The following PCDHA8 variants were observed in gnomAD, a reference collection of about 807,000 sequenced individuals.
PCDHA8 encodes protocadherin alpha 8, also known as protocadherin alpha-8.
PCDHA8 carries 53 observed loss-of-function variants against 61.8 expected under a neutral mutation model. The observed-to-expected ratio is 0.86, with a 90% CI of 0.69 to 1.08. PCDHA8 has a LOEUF of 1.08. Ranked by LOEUF, PCDHA8 falls within the 50% of genes least tolerant of loss-of-function variation. The pLI, the probability that PCDHA8 is intolerant of heterozygous loss-of-function variation, is 0.00. For synonymous variants in PCDHA8, 618 were observed against 556.6 expected (o/e 1.11, Z -1.55); for missense variants, 1,293 against 1,245.0 (o/e 1.04, Z -0.58).
chr5:140,996,198 G>T (rs2097716643), intron 3 of PCDHA8, among the ~76,000 whole-genome samples: 1 of 152,168 alleles, frequency 6.6e-6, no homozygotes, highest in Non-Finnish European at 1.5e-5. Context: ...TACCCTCAAT[G>T]CAAGGATATC....
chr5:140,863,469 G>A (rs2153224585), intron 1 of PCDHA8: 1 of 498,172 alleles, frequency 2.0e-6, no homozygotes, highest in Non-Finnish European at 4.0e-6. Context: ...TTACTCTGGA[G>A]AGTCGCCTCC....
intron 3 of PCDHA8, among the ~76,000 whole-genome samples, chr5:140,989,698 A>G (rs145222021): frequency 6.6e-6 from 1 of 152,344 alleles, no homozygotes; most frequent in African/African-American, 2.4e-5. Flanking sequence ...TGAAAATTTT[A>G]TCTTCAGAGG....
At chr5:140,858,433 G>A in intron 1 of PCDHA8, 3 of 1,545,478 alleles carry the variant, frequency 1.9e-6, no homozygotes, top group Non-Finnish European at 2.6e-6. Flanking sequence ...ACCACTCTAG[G>A]AAGGTGGGTT....
chr5:140,902,956 G>A (rs1356131798), intron 1 of PCDHA8, among the ~76,000 whole-genome samples: 3 of 152,242 alleles, frequency 2.0e-5, no homozygotes, highest in Non-Finnish European at 4.4e-5. Context: ...TTATCCACTT[G>A]TTGGCTGATG....
intron 1 of PCDHA8, chr5:140,869,467 G>A: frequency 6.2e-7 from 1 of 1,614,204 alleles, no homozygotes; most frequent in South Asian, 1.1e-5. Context: ...TGTGAACGTG[G>A]AGGTGAAGGA....
intron 1 of PCDHA8, chr5:140,876,650 T>C (rs782068706): frequency 3.1e-6 from 5 of 1,614,162 alleles, no homozygotes; most frequent in South Asian, 2.2e-5. Context: ...ACACCTCATG[T>C]TCCCTTCAAG....
intron 1 of PCDHA8, among the ~76,000 whole-genome samples, chr5:140,949,796 C>G (rs1471707326): frequency 6.6e-6 from 1 of 151,864 alleles, no homozygotes; most frequent in Non-Finnish European, 1.5e-5. Context: ...TTGTGTCCTT[C>G]AATACATTAT....
At chr5:140,891,849 C>G (rs1446447359) in intron 1 of PCDHA8, among the ~76,000 whole-genome samples, 2 of 152,262 alleles carry the variant, frequency 1.3e-5, no homozygotes, top group African/African-American at 4.8e-5. Context: ...TGGAAGGAGC[C>G]TGTCCCTCTC....
intron 3 of PCDHA8, among the ~76,000 whole-genome samples, chr5:140,986,987 G>A (rs1269328331): frequency 2.6e-5 from 4 of 152,114 alleles, no homozygotes; most frequent in Non-Finnish European, 4.4e-5. Flanking sequence ...GCCAAGGCAG[G>A]CAGATCACTT....
intron 1 of PCDHA8, among the ~76,000 whole-genome samples, chr5:140,892,982 A>G (rs1430280813): frequency 2.0e-5 from 3 of 152,238 alleles, no homozygotes; most frequent in Non-Finnish European, 4.4e-5. Context: ...TAGCTGCCGT[A>G]TAAGTGAGAA....
In PCDHA8 at chr5:140,849,843, G is replaced by A. The variant is rs2150453087; in HGVS notation, c.2394+6128G>A. 8 of 1,598,500 alleles carry A rather than the reference G, an allele frequency of 5.0e-6. 1 individual carries two copies. The highest frequency in any genetic ancestry group is 3.3e-5 in the South Asian group (3 of 90,550). On this transcript the variant is annotated intron_variant, in intron 1 of 3. Transcript: ENST00000531613. Reference sequence around the variant, plus strand: ...GTCTGTGGAGGTGGCCGACGTGAACGACAACGCACCAGCGTTCGCGCAGTC... The same window carrying A: ...GTCTGTGGAGGTGGCCGACGTGAACAACAACGCACCAGCGTTCGCGCAGTC...
intron 1 of PCDHA8, chr5:140,883,811 G>C (rs782535066): frequency 6.2e-7 from 1 of 1,612,586 alleles, no homozygotes; most frequent in South Asian, 1.1e-5. Context: ...CGCGGAGAGC[G>C]GCAAGGTGTA....
At position 140,884,044 on chromosome 5, in the gene PCDHA8, G is replaced by T. The variant is rs374333847; in HGVS notation, c.2394+40329G>T. On this transcript the variant is annotated intron_variant, in intron 1 of 3. Coordinates refer to ENST00000531613, the MANE Select transcript of PCDHA8 (RefSeq NM_018911.3). ...CGGTGGGTGCAGGCCACGTGGTGGC[G>T]AAGGTGCGCGCGGTGGACGCCGATT... 2.5e-6 allele frequency: 4 copies of T among 1,613,476 alleles called. No homozygotes were observed. In the South Asian group the frequency reaches 3.3e-5, roughly 13 times the overall value.
At chr5:140,949,628 C>G (rs974912926) in intron 1 of PCDHA8, among the ~76,000 whole-genome samples, 18 of 151,706 alleles carry the variant, frequency 1.2e-4, no homozygotes, top group African/African-American at 4.1e-4. Context: ...GTTTTCATGG[C>G]ATATTGCTTT....
chr5:140,843,524 G>T lies in PCDHA8; in HGVS notation c.2203G>T (p.Gly735Cys). 6.3e-7 allele frequency: 1 copy of T among 1,595,982 alleles called. No homozygotes were observed. Among genetic ancestry groups the T allele is most frequent in the South Asian group, 1.1e-5 (1 of 90,502 alleles). ...GCCCACTGAGGGCGGGTGCCGGGCGGGCAAGCCCACTCTGGTGTGCTCCAG... is the reference window on the plus strand; with the variant it reads ...GCCCACTGAGGGCGGGTGCCGGGCGTGCAAGCCCACTCTGGTGTGCTCCAG... ...ALPTEGGCRA[G>C]KPTLVCSSAV... Residue 735 changes from glycine to cysteine, a missense_variant, in exon 1 of 4, where the codon GGC (glycine) becomes TGC (cysteine). Transcript: ENST00000531613.
At chr5:140,996,842 T>C (rs2097749816) in intron 3 of PCDHA8, among the ~76,000 whole-genome samples, 1 of 152,240 alleles carries the variant, frequency 6.6e-6, no homozygotes, top group African/African-American at 2.4e-5. Context: ...TTAGCGTGCA[T>C]CTTCAGAATT....
chr5:141,010,074 G>T lies in PCDHA8; in HGVS notation c.*137G>T, dbSNP rs1444826216. The stretch of plus-strand genomic sequence containing the variant: ...CTCAGAAATCTGCAGAAAGTTCCCT[G>T]TGTCTGTCTAGAACGCATTTAACAG... On this transcript the variant is annotated 3_prime_UTR_variant, in exon 4 of 4. Coordinates refer to ENST00000531613, the MANE Select transcript of PCDHA8 (RefSeq NM_018911.3). 6.8e-6 allele frequency: 11 copies of T among 1,607,726 alleles called. No individual in the cohort carries two copies. Among genetic ancestry groups the T allele is most frequent in the Non-Finnish European group, 9.3e-6 (11 of 1,176,762 alleles).
chr5:141,003,252 TGGGCAGTGCCTAA>T (rs2098117217), intron 3 of PCDHA8, among the ~76,000 whole-genome samples: 1 of 152,236 alleles, frequency 6.6e-6, no homozygotes, highest in South Asian at 2.1e-4. Context: ...AAAAGATTCC[TGGGCAGTGCCTAA>T]GGGAAGTGCC....
intron 1 of PCDHA8, among the ~76,000 whole-genome samples, chr5:140,891,310 G>A (rs1361380938): frequency 6.6e-6 from 1 of 152,030 alleles, no homozygotes; most frequent in Non-Finnish European, 1.5e-5. Flanking sequence ...GATTACATGA[G>A]TAAGTTCTTT....
Sources: gnomAD v4.1 joint callset for allele counts (sites outside exome capture counted in the v4.1 genomes callset) on GRCh38, gnomAD v4.1.1 for gene constraint, MANE v1.5 for transcripts, NCBI Gene and HGNC (gene_info 2026-07-23, HGNC 2026-07-21) for gene names.